The following KCNIP4 variants were observed in gnomAD, a reference collection of about 807,000 sequenced individuals.
KCNIP4 encodes the protein Kv channel-interacting protein 4.
In KCNIP4, 12 loss-of-function variants were observed where a neutral mutation model predicts 34.0. That is an observed-to-expected ratio of 0.35 (90% CI 0.23 to 0.57). The LOEUF is 0.57. Ranked by LOEUF, KCNIP4 falls within the 20% of genes least tolerant of loss-of-function variation. KCNIP4 has a pLI of 0.83. For missense variants in KCNIP4, 238 were observed against 311.7 expected (o/e 0.76, Z 1.78); for synonymous variants, 124 against 102.2 (o/e 1.21, Z -1.29).
At chr4:21,713,162 A>G (rs1287708814) in intron 1 of KCNIP4, among the ~76,000 whole-genome samples, 1 of 152,238 alleles carries the variant, frequency 6.6e-6, no homozygotes, top group Non-Finnish European at 1.5e-5. Flanking sequence ...GACCCACCCA[A>G]TAAAATTCTT....
chr4:20,844,571 CAA>C (rs1720139622), intron 3 of KCNIP4, among the ~76,000 whole-genome samples: 2 of 152,126 alleles, frequency 1.3e-5, no homozygotes, highest in South Asian at 4.1e-4. Context: ...GGGCTTGTGA[CAA>C]AAGAGCAATT....
intron 1 of KCNIP4, among the ~76,000 whole-genome samples, chr4:21,523,452 C>A (rs1191504301): frequency 6.6e-6 from 1 of 152,096 alleles, no homozygotes; most frequent in Non-Finnish European, 1.5e-5. Flanking sequence ...AAATATGCAT[C>A]AATTTTGGTA....
chr4:21,810,111 G>A (rs192136591), intron 1 of KCNIP4, among the ~76,000 whole-genome samples: 2 of 152,272 alleles, frequency 1.3e-5, no homozygotes, highest in East Asian at 3.9e-4. Flanking sequence ...CACCATGAAG[G>A]TTGAACAAGA....
chr4:20,949,775 G>A (rs919017754), intron 1 of KCNIP4, among the ~76,000 whole-genome samples: 15 of 148,412 alleles, frequency 1.0e-4, no homozygotes, highest in Admixed American at 3.5e-4. Flanking sequence ...ACCAAACACC[G>A]CATATCCTCA....
chr4:21,486,258 T>G (rs532364494), intron 1 of KCNIP4, among the ~76,000 whole-genome samples: 2 of 152,306 alleles, frequency 1.3e-5, no homozygotes, highest in South Asian at 4.1e-4. Context: ...TTCAGTTCTT[T>G]TTTGGAATAC....
At chr4:21,235,169 T>C (rs992393743) in intron 1 of KCNIP4, among the ~76,000 whole-genome samples, 2 of 152,166 alleles carry the variant, frequency 1.3e-5, no homozygotes, top group Non-Finnish European at 2.9e-5. Context: ...AATACTGTGG[T>C]TTGTTCTCTA....
chr4:21,482,038 C>T (rs903264327), intron 1 of KCNIP4, among the ~76,000 whole-genome samples: 3 of 151,908 alleles, frequency 2.0e-5, no homozygotes, highest in Non-Finnish European at 2.9e-5. Flanking sequence ...CTCTTCTTGT[C>T]GAATTGATCC....
At chr4:21,346,502 G>C (rs570334281) in intron 1 of KCNIP4, among the ~76,000 whole-genome samples, 1 of 150,934 alleles carries the variant, frequency 6.6e-6, no homozygotes, top group Non-Finnish European at 1.5e-5. Context: ...TAACAAATAG[G>C]ATTTGGAAGA....
chr4:21,159,337 AG>A (rs1472072334), intron 1 of KCNIP4, among the ~76,000 whole-genome samples: 1 of 152,258 alleles, frequency 6.6e-6, no homozygotes, highest in African/African-American at 2.4e-5. Flanking sequence ...CTATAGGCTA[AG>A]CAATGGAGGA....
intron 1 of KCNIP4, among the ~76,000 whole-genome samples, chr4:21,390,211 C>T (rs1400149780): frequency 2.0e-5 from 3 of 152,058 alleles, no homozygotes; most frequent in Non-Finnish European, 4.4e-5. Context: ...AGCCCTTTGT[C>T]AGATAAGTAG....
chr4:21,524,596 C>T (rs1190606729), intron 1 of KCNIP4, among the ~76,000 whole-genome samples: 1 of 152,074 alleles, frequency 6.6e-6, no homozygotes, highest in Non-Finnish European at 1.5e-5. Flanking sequence ...TTACTTAACA[C>T]TTATTCGTTC....
At position 21,113,777 on chromosome 4, in the gene KCNIP4, T is replaced by C. The variant is rs1749459486; in HGVS notation, c.62-231068A>G. ...ACTAACAGTTAATTTATTTTTTAAGTAAAGAAGAAACAAACCATAAAAACA... is the reference window on the plus strand; with the variant it reads ...ACTAACAGTTAATTTATTTTTTAAGCAAAGAAGAAACAAACCATAAAAACA... On this transcript the variant is annotated intron_variant, in intron 1 of 8. Coordinates refer to ENST00000382152, the MANE Select transcript of KCNIP4 (RefSeq NM_025221.6). 2.0e-5 allele frequency among the ~76,000 whole-genome samples: 3 copies of C among 152,318 alleles called. No individual in the cohort carries two copies. In the South Asian group the frequency reaches 6.2e-4, roughly 32 times the overall value.
rs185531989 is a variant in KCNIP4 at position 21,087,006 on chromosome 4, G to A, written c.62-204297C>T. 6.2e-3 allele frequency among the ~76,000 whole-genome samples: 684 copies of A among 110,048 alleles called. 4 individuals carry two copies. The highest frequency in any genetic ancestry group is 0.022 in the African/African-American group (621 of 27,976). 72.2% of individuals were successfully genotyped at this position (110,048 alleles called of 152,430 possible). On this transcript the variant is annotated intron_variant, in intron 1 of 8. Transcript: ENST00000382152. ...CTTTCTTTCTTTTTTTTTTTTTTGA[G>A]TCTTGCTCTGTCACCCAGGCTGAAG...
At chr4:21,459,202 T>G (rs891522243) in intron 1 of KCNIP4, among the ~76,000 whole-genome samples, 5 of 152,040 alleles carry the variant, frequency 3.3e-5, no homozygotes, top group Non-Finnish European at 7.4e-5. Flanking sequence ...CAATCTGGCT[T>G]TCACCTTTGT....
rs183992299 is a variant in KCNIP4, at chr4:20,951,943, C to T, written c.62-69234G>A. ...TAAATTTGTTAAAAGGCAAAGTTGG[C>T]CTTTCTCCAACAACAATAATAATAT... On this transcript the variant is annotated intron_variant, in intron 1 of 8. Coordinates refer to ENST00000382152, the MANE Select transcript of KCNIP4 (RefSeq NM_025221.6). 1.5e-3 allele frequency among the ~76,000 whole-genome samples: 235 copies of T among 152,264 alleles called. 2 individuals carry two copies. The highest frequency in any genetic ancestry group is 4.9e-3 in the African/African-American group (202 of 41,564).
intron 5 of KCNIP4, among the ~76,000 whole-genome samples, chr4:20,740,071 A>G (rs1464538384): frequency 2.6e-5 from 4 of 152,140 alleles, no homozygotes; most frequent in Non-Finnish European, 5.9e-5. Flanking sequence ...GCCTCCAGGA[A>G]ATATGGGACT....
chr4:21,590,624 T>C, intron 1 of KCNIP4, among the ~76,000 whole-genome samples: 1 of 151,944 alleles, frequency 6.6e-6, no homozygotes, highest in East Asian at 1.9e-4. Flanking sequence ...TATACTGAAG[T>C]TGTGTGACAT....
rs536619686 is a variant in KCNIP4, at chr4:21,875,780, T to C, written c.61+72791A>G. Among the ~76,000 whole-genome samples, 10 of 152,310 alleles carry C rather than the reference T, an allele frequency of 6.6e-5. No homozygotes were observed. The East Asian group carries it at 1.9e-3, about 29-fold the overall frequency. ...TATTAATCACACAGGCCTGATTTCATTATAGTAAATGCTAATTTAATGTCA... is the reference window on the plus strand; with the variant it reads ...TATTAATCACACAGGCCTGATTTCACTATAGTAAATGCTAATTTAATGTCA... On this transcript the variant is annotated intron_variant, in intron 1 of 8. Transcript: ENST00000382152.
intron 3 of KCNIP4, among the ~76,000 whole-genome samples, chr4:20,765,963 A>G (rs1398027761): frequency 2.0e-5 from 3 of 152,152 alleles, no homozygotes; most frequent in Non-Finnish European, 4.4e-5. Flanking sequence ...ATCAATTTTA[A>G]TAAGGCAGTA....
Sources: gnomAD v4.1 joint callset for allele counts (sites outside exome capture counted in the v4.1 genomes callset) on GRCh38, gnomAD v4.1.1 for gene constraint, MANE v1.5 for transcripts, NCBI Gene and HGNC (gene_info 2026-07-23, HGNC 2026-07-21) for gene names.